The following CCDC88B variants were observed in gnomAD, a reference collection of about 807,000 sequenced individuals.
CCDC88B encodes the protein coiled-coil domain-containing protein 88B.
Under a neutral mutation model 183.7 loss-of-function variants are expected in CCDC88B, and 138 were observed. The ratio of observed to expected loss-of-function variants is 0.75; its 90% confidence interval spans 0.65 to 0.87. The LOEUF is 0.87. Among genes scored for constraint, CCDC88B ranks in the 40% least tolerant of loss-of-function variants. The pLI, the probability that CCDC88B is intolerant of heterozygous loss-of-function variation, is 0.00. For missense variants in CCDC88B, 1,822 were observed against 1,965.6 expected (o/e 0.93, Z 1.38); for synonymous variants, 835 against 867.5 (o/e 0.96, Z 0.66).
chr11:64,341,757 G>A lies in CCDC88B; in HGVS notation c.675+15G>A, dbSNP rs529852829. On this transcript the variant is annotated intron_variant, in intron 7 of 26. Coordinates refer to ENST00000356786, the MANE Select transcript of CCDC88B (RefSeq NM_032251.6). Reference sequence around the variant, plus strand: ...TGGGGGCCCAGGTAGGGGCAGCAGGGGCATCGTGGACTCAGGTTGGGGAAC... The same window carrying A: ...TGGGGGCCCAGGTAGGGGCAGCAGGAGCATCGTGGACTCAGGTTGGGGAAC... 2 of 1,549,600 alleles carry A rather than the reference G, an allele frequency of 1.3e-6. No individual in the cohort carries two copies. Among genetic ancestry groups the A allele is most frequent in the African/African-American group, 2.8e-5 (2 of 72,458 alleles).
chr11:64,345,101 C>G lies in CCDC88B; in HGVS notation c.2560C>G (p.Arg854Gly). 6.4e-7 allele frequency: 1 copy of G among 1,551,130 alleles called. No individual in the cohort carries two copies. The highest frequency in any genetic ancestry group is 8.7e-7 in the Non-Finnish European group (1 of 1,151,626). Reference sequence around the variant, plus strand: ...GATGCAGGTGCTGGAGAGCGAGGGCCGCCAGCACTTGGAGGAGGCTGAGAG... The same window carrying G: ...GATGCAGGTGCTGGAGAGCGAGGGCGGCCAGCACTTGGAGGAGGCTGAGAG... ...ERMQVLESEG[R>G]QHLEEAERER... The change falls in exon 14 of 27, where the codon CGC becomes GGC. Residue 854 changes from arginine to glycine, a missense_variant. Physicochemically the swap from Arg to Gly is moderately radical, Grantham distance 125. Coordinates refer to ENST00000356786, the MANE Select transcript of CCDC88B (RefSeq NM_032251.6).
In CCDC88B at chr11:64,344,440, G is replaced by A. The variant is rs748118586; in HGVS notation, c.1899G>A (p.Glu633=). 13 of 1,592,412 alleles carry A rather than the reference G, an allele frequency of 8.2e-6. No individual in the cohort carries two copies. Among genetic ancestry groups the A allele is most frequent in the Middle Eastern group, 1.7e-4 (1 of 5,924 alleles). The change falls in exon 14 of 27, where the codon GAG becomes GAA. Residue 633 remains glutamate, a synonymous_variant. Coordinates refer to ENST00000356786, the MANE Select transcript of CCDC88B (RefSeq NM_032251.6). This position sits in a 1 kb window ranked among gnomAD's most constrained non-coding sequence, Gnocchi z 4.5. ...AGGGAAGAGAGGCTCCCCAAGGCGA[G>A]TTGGTGCCTGAGGCCTGGGGGTTGA... ...ETEGREAPQG[E]LVPEAWGLRQ... is the part of the protein sequence containing the mutation.
intron 10 of CCDC88B, 156 bp downstream of exon 10, chr11:64,342,836 T>C: frequency 1.6e-6 from 1 of 644,798 alleles, no homozygotes; most frequent in Middle Eastern, 4.4e-4. Flanking sequence ...AGGTGGCGTC[T>C]GGGAAAGGGC....
At chr11:64,348,349 C>T (rs1341062676) in intron 14 of CCDC88B, among the ~76,000 whole-genome samples, 2 of 149,596 alleles carry the variant, frequency 1.3e-5, no homozygotes, top group African/African-American at 2.5e-5. Context: ...TCAGGTTGTC[C>T]ACTGGGTGGG....
In CCDC88B at chr11:64,344,997, C is replaced by A. The variant is rs1340391917; in HGVS notation, c.2456C>A (p.Ala819Glu). 2.6e-6 allele frequency: 4 copies of A among 1,546,604 alleles called. No homozygotes were observed. Among genetic ancestry groups the A allele is most frequent in the Non-Finnish European group, 3.5e-6 (4 of 1,147,646 alleles). ...CGGGAGGCGCTGGTGGAGGCGCTGG[C>A]AGCAGCGGGCCGGGAGCGGAGGCAG... ...QEREALVEAL[A>E]AAGRERRQWE... The change falls in exon 14 of 27, where the codon GCA becomes GAA. Residue 819 changes from alanine to glutamate, a missense_variant. Physicochemically the swap from Ala to Glu is moderately radical, Grantham distance 107. Transcript: ENST00000356786. The surrounding 1 kb of genome is among the most constrained non-coding windows in gnomAD (Gnocchi z 4.5).
intron 1 of CCDC88B, 62 bp from the exon 2 acceptor site, chr11:64,340,545 G>A: frequency 1.3e-6 from 2 of 1,559,240 alleles, no homozygotes; most frequent in Non-Finnish European, 1.7e-6. Flanking sequence ...GCTCACTGGG[G>A]CAGGTCGGAG....
rs766688886 is a variant in CCDC88B, at chr11:64,353,721, G to A, written c.3840G>A (p.Gln1280=). The change falls in exon 23 of 27, where the codon CAG becomes CAA. Residue 1280 remains glutamine, a synonymous_variant. Transcript: ENST00000356786. Reference sequence around the variant, plus strand: ...CCCTTCTCACTCCTGCCAGGGACCAGCTTAATGCCCTGCGCCGCGAGAAGC... The same window carrying A: ...CCCTTCTCACTCCTGCCAGGGACCAACTTAATGCCCTGCGCCGCGAGAAGC... ...LHREQREYLD[Q]LNALRREKQK... is the part of the protein sequence containing the mutation. The A allele has an allele frequency of 2.5e-6, 4 of 1,614,040 alleles. No homozygotes were observed. The highest frequency in any genetic ancestry group is 1.7e-5 in the Admixed American group (1 of 60,022).
Position 64,344,216 on chromosome 11 carries a change from G to A in CCDC88B, c.1675G>A (p.Glu559Lys), listed in dbSNP as rs139020637. 3 of 1,612,318 alleles carry A rather than the reference G, an allele frequency of 1.9e-6. No homozygotes were observed. The highest frequency in any genetic ancestry group is 1.7e-5 in the Admixed American group (1 of 59,680). Reference protein sequence around the residue: ...QAPDSDPQEAESPLQAAAMDP... With the variant: ...QAPDSDPQEAKSPLQAAAMDP... ...ACCTGATTCAGACCCACAGGAGGCA[G>A]AGAGTCCCCTTCAGGCAGCTGCCAT... The change falls in exon 14 of 27, where the codon GAG becomes AAG. Residue 559 changes from glutamate (E) to lysine (K), a missense_variant. Coordinates refer to ENST00000356786, the MANE Select transcript of CCDC88B (RefSeq NM_032251.6). The surrounding 1 kb of genome is among the most constrained non-coding windows in gnomAD (Gnocchi z 4.5).
In CCDC88B at chr11:64,340,252, C is replaced by T. The variant is rs767583988; in HGVS notation, c.-15C>T. The T allele has an allele frequency of 7.9e-7, 1 of 1,267,416 alleles. No homozygotes were observed. Among genetic ancestry groups the T allele is most frequent in the Non-Finnish European group, 1.0e-6 (1 of 996,534 alleles). The allele number at this position is 1,267,416 out of a possible 1,614,324, so 78.5% of individuals were successfully genotyped here. A position where few individuals can be genotyped will look rare whatever the true frequency, so the allele number is the denominator to read the frequency against. On this transcript the variant is annotated 5_prime_UTR_variant, in exon 1 of 27. Coordinates refer to ENST00000356786, the MANE Select transcript of CCDC88B (RefSeq NM_032251.6). The stretch of plus-strand genomic sequence containing the variant: ...GGTGCAGCTGCCACAGTGAGACGGG[C>T]ACCCCGACCCGGGCATGGAGGGGGG...
chr11:64,342,245 C>T (rs779632002), intron 8 of CCDC88B, 49 bp from the exon 9 acceptor site: 5 of 1,574,962 alleles, frequency 3.2e-6, no homozygotes, highest in Non-Finnish European at 3.4e-6. Flanking sequence ...CTGGGAAGGG[C>T]TGGGGGTTGT....
At chr11:64,349,822 T>C in intron 16 of CCDC88B, 154 bp downstream of exon 16, 3 of 694,896 alleles carry the variant, frequency 4.3e-6, no homozygotes, top group Non-Finnish European at 4.9e-6. Flanking sequence ...GAGAGAGCAC[T>C]GTGCTGGGAG....
Position 64,343,188 on chromosome 11 carries a change from G to A in CCDC88B, c.1072G>A (p.Val358Met), listed in dbSNP as rs764207814. The A allele has an allele frequency of 6.5e-7, 1 of 1,532,478 alleles. No individual in the cohort carries two copies. The allele number at this position is 1,532,478 out of a possible 1,614,324, so 94.9% of individuals were successfully genotyped here. The change falls in exon 11 of 27, where the codon GTG becomes ATG. Residue 358 changes from valine to methionine, a missense_variant. Transcript: ENST00000356786. ...AYKSQLEEER[V>M]LSGVLEASKA... ...CCTGCTCTCCCACCAGGAGGAGCGG[G>A]TGCTCTCGGGGGTGCTGGAGGCGTC...
rs746635067 is a variant in CCDC88B, at chr11:64,344,858, C to T, written c.2317C>T (p.Arg773Ter). 1.2e-5 allele frequency: 20 copies of T among 1,609,724 alleles called. No homozygotes were observed. Among genetic ancestry groups the T allele is most frequent in the Admixed American group, 3.4e-5 (2 of 59,354 alleles). The change falls in exon 14 of 27, where the codon CGA (arginine) becomes TGA (stop). Residue 773 changes from arginine (R) to a stop codon, truncating the protein, a stop_gained. Coordinates refer to ENST00000356786, the MANE Select transcript of CCDC88B (RefSeq NM_032251.6). LOFTEE classifies it high-confidence loss of function. This position sits in a 1 kb window ranked among gnomAD's most constrained non-coding sequence, Gnocchi z 4.5. ...CCTCTCCAAGGAGCTGGCCCAAGCG[C>T]GAAGGGCAGAGGCCGAGGCCCACCG... Reference protein sequence around the residue: ...ARLSKELAQARRAEAEAHREA... With the variant: ...ARLSKELAQA
rs372946485 is a variant in CCDC88B, at chr11:64,351,558, G to A, written c.3041G>A (p.Arg1014His). ...GGGCAGCTGGGGAGCCTGCAGGGCCGTGCCCAGGAGCTGCTGCTGCAGAGC... is the reference window on the plus strand; with the variant it reads ...GGGCAGCTGGGGAGCCTGCAGGGCCATGCCCAGGAGCTGCTGCTGCAGAGC... ...LEGQLGSLQG[R>H]AQELLLQSQR... The change falls in exon 18 of 27, where the codon CGT becomes CAT. Residue 1014 changes from arginine to histidine, a missense_variant. By Grantham distance (29) the Arg-to-His change is conservative. Coordinates refer to ENST00000356786, the MANE Select transcript of CCDC88B (RefSeq NM_032251.6). 5.2e-5 allele frequency: 81 copies of A among 1,566,064 alleles called. No homozygotes were observed. Among genetic ancestry groups the A allele is most frequent in the South Asian group, 1.0e-4 (9 of 86,732 alleles).
At position 64,356,929 on chromosome 11, in the gene CCDC88B, G is replaced by A. The variant is rs1455913928; in HGVS notation, c.4376-110G>A. On this transcript the variant is annotated intron_variant, in intron 26 of 26. Coordinates refer to ENST00000356786, the MANE Select transcript of CCDC88B (RefSeq NM_032251.6). ...GCAGGCGTGGTGCAGCTGGAAGCGG[G>A]GGGTATTGGCAGGTCGGGGGTGGGC... is the stretch of plus-strand genomic sequence containing the variant. 1.7e-5 allele frequency: 17 copies of A among 1,028,594 alleles called. No individual in the cohort carries two copies. The East Asian group carries it at 3.8e-4, about 23-fold the overall frequency. The allele number at this position is 1,028,594 out of a possible 1,614,324, so 63.7% of individuals were successfully genotyped here.
chr11:64,356,972 G>A lies in CCDC88B; in HGVS notation c.4376-67G>A, dbSNP rs2036566189. ...GGGTGGGCAGAAGGTGCTCGAGCCT[G>A]TGGGCCTCCTGGGACTCTGGGAGTC... On this transcript the variant is annotated intron_variant, in intron 26 of 26. Coordinates refer to ENST00000356786, the MANE Select transcript of CCDC88B (RefSeq NM_032251.6). 2.0e-6 allele frequency: 3 copies of A among 1,492,094 alleles called. No homozygotes were observed. The Admixed American group carries it at 6.6e-5, about 33-fold the overall frequency. The allele number at this position is 1,492,094 out of a possible 1,614,324, so 92.4% of individuals were successfully genotyped here. A position where few individuals can be genotyped will look rare whatever the true frequency, so the allele number is the denominator to read the frequency against.
At chr11:64,350,364 C>A (rs1320997214) in intron 16 of CCDC88B, 5 of 152,338 alleles carry the variant, frequency 3.3e-5, no homozygotes, top group Admixed American at 3.3e-4. Flanking sequence ...GAAACCCCAT[C>A]TCTACTAAAA....
intron 18 of CCDC88B, 90 bp downstream of exon 18, chr11:64,351,706 TC>T: frequency 2.1e-6 from 3 of 1,409,500 alleles, no homozygotes; most frequent in Middle Eastern, 2.6e-4. Context: ...CTATCCCAGC[TC>T]CCAGCCAGCT....
In CCDC88B at chr11:64,349,498, G is replaced by T. The variant is rs759706358; in HGVS notation, c.2744+40G>T. 4 of 1,563,684 alleles carry T rather than the reference G, an allele frequency of 2.6e-6. No homozygotes were observed. The South Asian group carries it at 3.4e-5, about 13-fold the overall frequency. On this transcript the variant is annotated intron_variant, in intron 15 of 26. Coordinates refer to ENST00000356786, the MANE Select transcript of CCDC88B (RefSeq NM_032251.6). ...GAGGGGAAGAATGAGGGAGGCAGGG[G>T]TGTGGTGGGGCGAGGGTGGGGTGGG... is the stretch of plus-strand genomic sequence containing the variant.
Sources: gnomAD v4.1 joint callset for allele counts (sites outside exome capture counted in the v4.1 genomes callset) on GRCh38, gnomAD v4.1.1 for gene constraint, Gnocchi (gnomAD v3.1) non-coding constraint, MANE v1.5 for transcripts, NCBI Gene and HGNC (gene_info 2026-07-23, HGNC 2026-07-21) for gene names.